The following KIF1B variants were observed in gnomAD, a reference collection of about 807,000 sequenced individuals.
The protein encoded by KIF1B is kinesin family member 1B, also known as kinesin-like protein KIF1B.
In KIF1B, 76 loss-of-function variants were observed where a neutral mutation model predicts 241.9. That is an observed-to-expected ratio of 0.31 (90% CI 0.26 to 0.38). The LOEUF is 0.38. Among genes scored for constraint, KIF1B ranks in the 10% least tolerant of loss-of-function variants. The pLI is 1.00. For missense variants in KIF1B, 1,622 were observed against 2,271.4 expected (o/e 0.71, Z 5.81); for synonymous variants, 750 against 796.7 (o/e 0.94, Z 0.99).
At chr1:10,254,831 C>T (rs192353477) in intron 2 of KIF1B, among the ~76,000 whole-genome samples, 2 of 132,678 alleles carry the variant, frequency 1.5e-5, no homozygotes, top group African/African-American at 2.9e-5. Context: ...GAGCCGAGAT[C>T]GTGCCACTCC....
intron 27 of KIF1B, among the ~76,000 whole-genome samples, chr1:10,332,873 G>A (rs1165104852): frequency 6.7e-6 from 1 of 148,836 alleles, no homozygotes; most frequent in Non-Finnish European, 1.5e-5. Context: ...GTGCAGTGGT[G>A]CAATTTTGGC....
chr1:10,347,971 TCTG>T, intron 36 of KIF1B, 144 bp downstream of exon 36: 1 of 656,826 alleles, frequency 1.5e-6, no homozygotes, highest in Non-Finnish European at 2.7e-6. Flanking sequence ...TTTTTTTTTT[TCTG>T]TGTCTGTCTG....
At position 10,234,485 on chromosome 1, in the gene KIF1B, G is replaced by A. The variant is rs137859452; in HGVS notation, c.106+2051G>A. 6.6e-3 allele frequency among the ~76,000 whole-genome samples: 994 copies of A among 151,744 alleles called. 8 individuals are homozygous for A. Among genetic ancestry groups the A allele is most frequent in the African/African-American group, 0.023 (936 of 41,358 alleles). The stretch of plus-strand genomic sequence containing the variant: ...GGCCTCCCAGAGTGCTGGGATTATA[G>A]GCATGAGCTGCCGCGCCTGGCTGTT... On this transcript the variant is annotated intron_variant, in intron 2 of 48. Transcript: ENST00000676179.
intron 2 of KIF1B, among the ~76,000 whole-genome samples, chr1:10,245,953 T>A (rs1008601162): frequency 6.6e-6 from 1 of 152,186 alleles, no homozygotes; most frequent in Non-Finnish European, 1.5e-5. Flanking sequence ...TCCACCAGGC[T>A]TTTGTCCTCA....
At chr1:10,366,468 A>T (rs916125100) in intron 43 of KIF1B, among the ~76,000 whole-genome samples, 1 of 150,386 alleles carries the variant, frequency 6.6e-6, no homozygotes, top group South Asian at 2.1e-4. Flanking sequence ...ATCAGGAGGG[A>T]GGCAGCGGTG....
chr1:10,228,397 A>G (rs1045915242), intron 1 of KIF1B, among the ~76,000 whole-genome samples: 3 of 152,102 alleles, frequency 2.0e-5, no homozygotes, highest in Admixed American at 1.3e-4. Context: ...ATGAATTTAT[A>G]TATTTGACTT....
intron 22 of KIF1B, chr1:10,305,588 A>G (rs1272560101): frequency 3.8e-6 from 4 of 1,058,458 alleles, no homozygotes; most frequent in Non-Finnish European, 4.6e-6. Flanking sequence ...AGTTGATGAA[A>G]TAGTGAAATA....
At chr1:10,360,684 C>CAAAAAA (rs754892826) in intron 38 of KIF1B, among the ~76,000 whole-genome samples, 1 of 64,504 alleles carries the variant, frequency 1.6e-5, no homozygotes, top group African/African-American at 5.6e-5. Flanking sequence ...AATTCTGTCT[C>CAAAAAA]AAAAAAAAAA....
At chr1:10,324,454 G>A (rs536015721) in intron 25 of KIF1B, among the ~76,000 whole-genome samples, 29 of 152,098 alleles carry the variant, frequency 1.9e-4, no homozygotes, top group South Asian at 1.2e-3. Flanking sequence ...TATTTCCCCC[G>A]TCTCAGTGTA....
At chr1:10,217,457 A>G (rs1248306140) in intron 1 of KIF1B, among the ~76,000 whole-genome samples, 1 of 148,150 alleles carries the variant, frequency 6.7e-6, no homozygotes, top group East Asian at 2.0e-4. Context: ...AGCTGGGATT[A>G]TAGGCACCCA....
At chr1:10,328,413 GAATA>G (rs1234613662) in intron 27 of KIF1B, among the ~76,000 whole-genome samples, 1 of 152,150 alleles carries the variant, frequency 6.6e-6, no homozygotes, top group African/African-American at 2.4e-5. Flanking sequence ...GTTTTTCCAT[GAATA>G]AACATAAAGG....
intron 22 of KIF1B, among the ~76,000 whole-genome samples, chr1:10,316,267 G>A (rs1446908622): frequency 2.6e-5 from 4 of 151,462 alleles, no homozygotes; most frequent in South Asian, 2.1e-4. Flanking sequence ...TAATGGTGAT[G>A]TTGTGTACTT....
At chr1:10,355,001 T>TA (rs1265452343) in intron 38 of KIF1B, among the ~76,000 whole-genome samples, 1 of 152,206 alleles carries the variant, frequency 6.6e-6, no homozygotes, top group Non-Finnish European at 1.5e-5. Context: ...CCATTCATTA[T>TA]TCCTTTTCTT....
At chr1:10,244,651 C>G (rs1204939031) in intron 2 of KIF1B, among the ~76,000 whole-genome samples, 1 of 121,550 alleles carries the variant, frequency 8.2e-6, no homozygotes, top group Non-Finnish European at 1.7e-5. Flanking sequence ...CTTGCTCTGT[C>G]GCCCAGGCTG....
rs1444707925 is a variant in KIF1B, at chr1:10,361,814, G to C, written c.4293G>C (p.Lys1431Asn). The C allele has an allele frequency of 6.2e-7, 1 of 1,614,004 alleles. No homozygotes were observed. Among genetic ancestry groups the C allele is most frequent in the Non-Finnish European group, 8.5e-7 (1 of 1,180,030 alleles). The part of the protein sequence containing the change: ...LRSLFGSGYS[K>N]SPDSNRVTGI... ...GCCTCTTTGGCAGCGGCTACTCAAA[G>C]TCACCAGATTCGTAAGTTTTTCACA... The change falls in exon 40 of 49, where the codon AAG becomes AAC. Residue 1431 changes from lysine to asparagine, a missense_variant. By Grantham distance (94) the Lys-to-Asn change is moderately conservative. Around this residue, in one of 7 missense-constraint regions of KIF1B, gnomAD observed 803 missense variants for 1,112.0 expected, o/e 0.72. Coordinates refer to ENST00000676179, the MANE Select transcript of KIF1B (RefSeq NM_001365951.3).
chr1:10,316,749 G>A (rs1330412354), intron 22 of KIF1B, among the ~76,000 whole-genome samples: 1 of 151,586 alleles, frequency 6.6e-6, no homozygotes, highest in Non-Finnish European at 1.5e-5. Flanking sequence ...CAGTTTGCCT[G>A]CCTCAGCCTC....
intron 28 of KIF1B, 52 bp downstream of exon 28, chr1:10,334,690 AAGC>A (rs1457419383): frequency 2.8e-6 from 4 of 1,414,470 alleles, no homozygotes; most frequent in Non-Finnish European, 4.0e-6. Flanking sequence ...TCTAGAGACA[AAGC>A]AGGCTGATTC....
chr1:10,309,004 A>T (rs1418550612), intron 22 of KIF1B, among the ~76,000 whole-genome samples: 1 of 152,218 alleles, frequency 6.6e-6, no homozygotes, highest in Non-Finnish European at 1.5e-5. Context: ...ATTTCTAAAA[A>T]GTTTTGAGTG....
rs57088720 is a variant in KIF1B, at chr1:10,365,005, CAAA to C, written c.4367-81_4367-79del. On this transcript the variant is annotated intron_variant, in intron 41 of 48. Coordinates refer to ENST00000676179, the MANE Select transcript of KIF1B (RefSeq NM_001365951.3). The surrounding 1 kb of genome is among the most constrained non-coding windows in gnomAD (Gnocchi z 4.0). The stretch of plus-strand genomic sequence containing the variant: ...TGGGCAACAGAGCGAGACTCCATCT[CAAA>C]AAAAAAAAAAAAAGAATTATTAATT... 1.7e-3 allele frequency: 1,409 copies of C among 849,766 alleles called. No individual in the cohort carries two copies. Among genetic ancestry groups the C allele is most frequent in the Middle Eastern group, 3.5e-3 (9 of 2,572 alleles). The allele number at this position is 849,766 out of a possible 1,614,324, so 52.6% of individuals were successfully genotyped here.
Sources: gnomAD v4.1 joint callset for allele counts (sites outside exome capture counted in the v4.1 genomes callset) on GRCh38, gnomAD v4.1.1 for gene constraint, gnomAD v4.1.1 regional missense constraint, Gnocchi (gnomAD v3.1) non-coding constraint, MANE v1.5 for transcripts, NCBI Gene and HGNC (gene_info 2026-07-23, HGNC 2026-07-21) for gene names.